The following FAM240B variants were observed in gnomAD, a reference collection of about 807,000 sequenced individuals.
FAM240B encodes the protein family with sequence similarity 240 member B.
At chr9:38,701,337 C>T (rs1488860735) in intron 2 of FAM240B, among the ~76,000 whole-genome samples, 1 of 151,956 alleles carries the variant, frequency 6.6e-6, no homozygotes, top group Non-Finnish European at 1.5e-5. Context: ...CTCAGCTCAG[C>T]GGGGATTTAA....
intron 1 of FAM240B, among the ~76,000 whole-genome samples, chr9:38,713,586 A>C (rs1188134170): frequency 6.6e-6 from 1 of 151,818 alleles, no homozygotes; most frequent in Non-Finnish European, 1.5e-5. Flanking sequence ...ACAAAACTGG[A>C]ACACGGACAA....
intron 2 of FAM240B, among the ~76,000 whole-genome samples, chr9:38,697,529 T>C (rs934757527): frequency 6.6e-6 from 1 of 152,230 alleles, no homozygotes; most frequent in Admixed American, 6.5e-5. Flanking sequence ...GTGCTGACGC[T>C]GGCTCATAAC....
At chr9:38,705,961 G>A (rs1362085646) in intron 1 of FAM240B, among the ~76,000 whole-genome samples, 3 of 152,188 alleles carry the variant, frequency 2.0e-5, no homozygotes, top group Non-Finnish European at 4.4e-5. Flanking sequence ...TCAGGGTAGG[G>A]ACGATTGAAG....
At chr9:38,715,875 A>C (rs1307129459) in intron 1 of FAM240B, among the ~76,000 whole-genome samples, 1 of 152,144 alleles carries the variant, frequency 6.6e-6, no homozygotes, top group Non-Finnish European at 1.5e-5. Flanking sequence ...AGTCGAAATA[A>C]AACAAAGTGA....
intron 1 of FAM240B, among the ~76,000 whole-genome samples, chr9:38,718,750 TAA>T (rs5897749): frequency 0.016 from 2,453 of 148,732 alleles, 67 homozygotes; most frequent in African/African-American, 0.056. Flanking sequence ...TTGAGATAAG[TAA>T]AAAAAAAAAA....
At chr9:38,706,101 T>C (rs1438738779) in intron 1 of FAM240B, among the ~76,000 whole-genome samples, 1 of 152,218 alleles carries the variant, frequency 6.6e-6, no homozygotes, top group African/African-American at 2.4e-5. Flanking sequence ...TATTTTTTAT[T>C]AAACATTTAA....
intron 2 of FAM240B, among the ~76,000 whole-genome samples, chr9:38,699,561 A>G (rs1001488197): frequency 1.3e-5 from 2 of 152,188 alleles, no homozygotes; most frequent in African/African-American, 4.8e-5. Context: ...GGAGTCCCTG[A>G]GCAAATGCTG....
chr9:38,709,663 C>CA (rs1821229577), intron 1 of FAM240B, among the ~76,000 whole-genome samples: 1 of 152,170 alleles, frequency 6.6e-6, no homozygotes, highest in Non-Finnish European at 1.5e-5. Context: ...TGGGATGGAC[C>CA]AGTAGGGTTT....
At chr9:38,716,583 A>G (rs901920550) in intron 1 of FAM240B, among the ~76,000 whole-genome samples, 1 of 152,248 alleles carries the variant, frequency 6.6e-6, no homozygotes, top group Admixed American at 6.5e-5. Context: ...CAAAGAATTT[A>G]GAGCTAAAAG....
At chr9:38,717,286 T>A (rs1444506176) in intron 1 of FAM240B, among the ~76,000 whole-genome samples, 1 of 152,096 alleles carries the variant, frequency 6.6e-6, no homozygotes, top group East Asian at 1.9e-4. Flanking sequence ...GGTCAAAGAG[T>A]TAACAAAGTT....
intron 1 of FAM240B, among the ~76,000 whole-genome samples, chr9:38,710,899 G>A (rs200734480): frequency 1.4e-4 from 21 of 152,178 alleles, no homozygotes; most frequent in South Asian, 4.2e-4. Flanking sequence ...GCCACTGCCC[G>A]AAGTCACCTT....
rs77404875 is a variant in FAM240B at position 38,713,481 on chromosome 9, CAAAA to C, written c.-4+6537_-4+6540del. ...CTACAGAGTGAGACTCCGTTTCAAA[CAAAA>C]AAAAAAAAAAAAAAAAAAAAGAACT... On this transcript the variant is annotated intron_variant, in intron 1 of 2. Transcript: ENST00000637493. Among the ~76,000 whole-genome samples, 264 of 83,598 alleles carry C rather than the reference CAAAA, an allele frequency of 3.2e-3. 1 individual carries two copies. The highest frequency in any genetic ancestry group is 0.013 in the Middle Eastern group (1 of 80). The allele number at this position is 83,598 out of a possible 152,430, so 54.8% of individuals were successfully genotyped here. A position where few individuals can be genotyped will look rare whatever the true frequency, so the allele number is the denominator to read the frequency against.
chr9:38,710,418 A>G (rs1263995469), intron 1 of FAM240B, among the ~76,000 whole-genome samples: 1 of 152,248 alleles, frequency 6.6e-6, no homozygotes, highest in Non-Finnish European at 1.5e-5. Flanking sequence ...TAGTGTCCAG[A>G]AGGCCACATA....
chr9:38,702,004 A>G (rs1364697237), intron 2 of FAM240B, among the ~76,000 whole-genome samples: 2 of 152,066 alleles, frequency 1.3e-5, no homozygotes, highest in Non-Finnish European at 2.9e-5. Context: ...TTTACATACT[A>G]TATATATAAA....
chr9:38,717,684 G>C (rs867507732), intron 1 of FAM240B, among the ~76,000 whole-genome samples: 3 of 151,644 alleles, frequency 2.0e-5, no homozygotes, highest in Admixed American at 6.6e-5. Flanking sequence ...GGGTTTCACC[G>C]TGTTAGCCAG....
chr9:38,707,199 A>T (rs17536157), intron 1 of FAM240B, among the ~76,000 whole-genome samples: 8,388 of 152,290 alleles, frequency 0.055, 319 homozygotes, highest in Non-Finnish European at 0.086. Context: ...TTGGTCAAAC[A>T]GGTACTCATT....
intron 2 of FAM240B, among the ~76,000 whole-genome samples, chr9:38,701,674 G>T (rs4360370): frequency 0.22 from 33,782 of 152,012 alleles, 4,548 homozygotes; most frequent in Middle Eastern, 0.3. Context: ...TTCGTTGGGG[G>T]AGACTGATGA....
intron 1 of FAM240B, among the ~76,000 whole-genome samples, chr9:38,706,250 C>T (rs1433626893): frequency 6.6e-6 from 1 of 152,046 alleles, no homozygotes; most frequent in African/African-American, 2.4e-5. Flanking sequence ...CATAAAGGAG[C>T]TGATTTTCAG....
intron 1 of FAM240B, among the ~76,000 whole-genome samples, chr9:38,711,935 C>T (rs755076836): frequency 2.6e-5 from 4 of 152,080 alleles, no homozygotes; most frequent in Non-Finnish European, 5.9e-5. Context: ...GGATTACAGA[C>T]ATTTTCTTTT....
Sources: gnomAD v4.1 joint callset for allele counts (sites outside exome capture counted in the v4.1 genomes callset) on GRCh38, gnomAD v4.1.1 for gene constraint, MANE v1.5 for transcripts, NCBI Gene and HGNC (gene_info 2026-07-23, HGNC 2026-07-21) for gene names.